Variants in RCAN2 observed in about 807,000 individuals in gnomAD.
The protein encoded by RCAN2 is regulator of calcineurin 2.
A neutral mutation model predicts 23.6 loss-of-function variants in RCAN2; 9 were observed. The observed-to-expected ratio is 0.38, with a 90% CI of 0.23 to 0.67. RCAN2 has a LOEUF of 0.67. Ranked by LOEUF, RCAN2 falls within the 30% of genes least tolerant of loss-of-function variation. RCAN2 has a pLI of 0.51. For missense variants in RCAN2, 273 were observed against 302.3 expected, an observed-to-expected ratio of 0.90 and a Z score of 0.72; for synonymous variants, 109 against 115.7, an observed-to-expected ratio of 0.94 and a Z score of 0.37.
At chr6:46,360,533 CAAAAAAAAAAAAAA>C (rs765916099) in intron 2 of RCAN2, among the ~76,000 whole-genome samples, 8 of 33,502 alleles carry the variant, frequency 2.4e-4, no homozygotes, top group Middle Eastern at 0.026. Context: ...GACTCCGTCT[CAAAAAAAAAAAAAA>C]AAAAAAAAAA....
At chr6:46,349,797 G>A (rs191176931) in intron 2 of RCAN2, among the ~76,000 whole-genome samples, 1 of 152,216 alleles carries the variant, frequency 6.6e-6, no homozygotes, top group East Asian at 1.9e-4. Flanking sequence ...CCTCCTGACT[G>A]GTCTCCCAGC....
chr6:46,230,723 C>T (rs2150307472), intron 4 of RCAN2, among the ~76,000 whole-genome samples: 1 of 152,316 alleles, frequency 6.6e-6, no homozygotes, highest in Admixed American at 6.5e-5. Context: ...CCTAGTGCTT[C>T]CTGGGTGAGG....
chr6:46,232,175 A>G (rs1420472643), intron 4 of RCAN2, among the ~76,000 whole-genome samples: 4 of 152,346 alleles, frequency 2.6e-5, no homozygotes, highest in African/African-American at 4.8e-5. Flanking sequence ...GCAAGAATTG[A>G]TAGTTGGCAC....
At chr6:46,265,753 C>A (rs891553323) in intron 2 of RCAN2, among the ~76,000 whole-genome samples, 1 of 152,168 alleles carries the variant, frequency 6.6e-6, no homozygotes, top group East Asian at 1.9e-4. Context: ...CTACCAAGGG[C>A]TGCTTATTTG....
Position 46,387,803 on chromosome 6 carries a change from C to T in RCAN2, c.225+68949G>A, listed in dbSNP as rs146669622. On this transcript the variant is annotated intron_variant, in intron 2 of 4. Transcript: ENST00000371374. The stretch of plus-strand genomic sequence containing the variant: ...ATGCTGCTATAAAGACATATGCACA[C>T]GTATGTTTATTGTGGCACTGTTCAC... 6.8e-3 allele frequency among the ~76,000 whole-genome samples: 1,028 copies of T among 152,214 alleles called. 4 individuals carry two copies. The highest frequency in any genetic ancestry group is 0.011 in the Non-Finnish European group (736 of 68,002).
chr6:46,266,766 C>T (rs988346937), intron 2 of RCAN2, among the ~76,000 whole-genome samples: 1 of 152,118 alleles, frequency 6.6e-6, no homozygotes, highest in African/African-American at 2.4e-5. Flanking sequence ...ACCCTTTATT[C>T]TTGGAAGGGA....
At chr6:46,305,279 C>G (rs979441784) in intron 2 of RCAN2, among the ~76,000 whole-genome samples, 1 of 152,048 alleles carries the variant, frequency 6.6e-6, no homozygotes, top group Admixed American at 6.6e-5. Context: ...TAAATGCTTC[C>G]CATTTTCTTA....
chr6:46,426,252 A>G (rs1409409881), intron 2 of RCAN2, among the ~76,000 whole-genome samples: 1 of 152,186 alleles, frequency 6.6e-6, no homozygotes, highest in African/African-American at 2.4e-5. Flanking sequence ...CAGAAATTTA[A>G]TTATTCTTTT....
At chr6:46,313,010 T>A (rs1019461486) in intron 2 of RCAN2, among the ~76,000 whole-genome samples, 4 of 152,206 alleles carry the variant, frequency 2.6e-5, no homozygotes, top group African/African-American at 9.6e-5. Context: ...TCCTTCATAA[T>A]GTGACCCCAG....
At position 46,361,813 on chromosome 6, in the gene RCAN2, T is replaced by C. The variant is rs894973217; in HGVS notation, c.225+94939A>G. Among the ~76,000 whole-genome samples, 4 of 152,182 alleles carry C rather than the reference T, an allele frequency of 2.6e-5. No homozygotes were observed. In the East Asian group the frequency reaches 7.7e-4, roughly 29 times the overall value. ...TTTTATTTTAGAGATTAAAAAGATT[T>C]GAGATATTGTTGATACCTAAAGAGG... On this transcript the variant is annotated intron_variant, in intron 2 of 4. Transcript: ENST00000371374.
At chr6:46,294,449 T>A (rs1023861079) in intron 2 of RCAN2, among the ~76,000 whole-genome samples, 5 of 152,160 alleles carry the variant, frequency 3.3e-5, no homozygotes, top group Admixed American at 6.6e-5. Context: ...AACCAAATAA[T>A]TTCATTTCTA....
chr6:46,392,560 A>G (rs9369616), intron 2 of RCAN2, among the ~76,000 whole-genome samples: 62,020 of 152,058 alleles, frequency 0.41, 15,608 homozygotes, highest in East Asian at 0.59. Context: ...AAGACCATCC[A>G]TAACAAGGAA....
At chr6:46,325,671 A>T in intron 2 of RCAN2, 1 of 1,389,704 alleles carries the variant, frequency 7.2e-7, no homozygotes, top group Non-Finnish European at 9.3e-7. Context: ...CAGCAGAGTA[A>T]CGAACGGCCC....
At position 46,221,954 on chromosome 6, in the gene RCAN2, C is replaced by T. The variant is rs1044478802; in HGVS notation, c.*1187G>A. The stretch of plus-strand genomic sequence containing the variant: ...CACACGGGTGTCGCGTGAGTAGGAC[C>T]GGCATACATGTAGCTATCATCCTTC... On this transcript the variant is annotated 3_prime_UTR_variant, in exon 5 of 5. Transcript: ENST00000371374. 7 of 398,402 alleles carry T rather than the reference C, an allele frequency of 1.8e-5. No individual in the cohort carries two copies. Among genetic ancestry groups the T allele is most frequent in the Middle Eastern group, 6.2e-4 (1 of 1,608 alleles). 24.7% of individuals were successfully genotyped at this position (398,402 alleles called of 1,614,324 possible). A position where few individuals can be genotyped will look rare whatever the true frequency, so the allele number is the denominator to read the frequency against.
At chr6:46,396,579 T>C (rs922649005) in intron 2 of RCAN2, among the ~76,000 whole-genome samples, 14 of 152,196 alleles carry the variant, frequency 9.2e-5, no homozygotes, top group Non-Finnish European at 1.3e-4. Context: ...GGGTTGAGAT[T>C]CAGCTGTGCC....
At chr6:46,241,674 G>T (rs1349362417) in intron 4 of RCAN2, among the ~76,000 whole-genome samples, 1 of 152,166 alleles carries the variant, frequency 6.6e-6, no homozygotes, top group Non-Finnish European at 1.5e-5. Flanking sequence ...CAAGGGTGCT[G>T]GCTCAACCAA....
chr6:46,376,326 A>G (rs924264281), intron 2 of RCAN2, among the ~76,000 whole-genome samples: 3 of 152,218 alleles, frequency 2.0e-5, no homozygotes, highest in Non-Finnish European at 4.4e-5. Context: ...GAGTGTTGAT[A>G]ACAAAATCAA....
intron 2 of RCAN2, among the ~76,000 whole-genome samples, chr6:46,440,596 A>G (rs1002197251): frequency 6.6e-6 from 1 of 152,104 alleles, no homozygotes; most frequent in African/African-American, 2.4e-5. Context: ...TCAGAAAAAT[A>G]TCTTATATTA....
At chr6:46,469,219 T>G (rs906507854) in intron 1 of RCAN2, among the ~76,000 whole-genome samples, 2 of 152,208 alleles carry the variant, frequency 1.3e-5, no homozygotes, top group African/African-American at 4.8e-5. Context: ...AACTTCCAGT[T>G]TCTCTCACTA....
Sources: allele counts gnomAD v4.1 joint callset (sites outside exome capture counted in the v4.1 genomes callset), GRCh38; gene constraint gnomAD v4.1.1; transcripts MANE v1.5; gene names NCBI Gene and HGNC (gene_info 2026-07-23, HGNC 2026-07-21).